The following SGCZ variants were observed in gnomAD, a reference collection of about 807,000 sequenced individuals.
SGCZ encodes zeta-sarcoglycan.
A neutral mutation model predicts 41.3 loss-of-function variants in SGCZ; 40 were observed. The observed-to-expected ratio is 0.97, with a 90% CI of 0.75 to 1.26. The LOEUF (loss-of-function observed/expected upper bound fraction) is 1.26. Ranked by LOEUF, SGCZ falls within the 50% of genes most tolerant of loss-of-function variation. The pLI, the probability that SGCZ is intolerant of heterozygous loss-of-function variation, is 0.00. For synonymous variants in SGCZ, 206 were observed against 137.5 expected, an observed-to-expected ratio of 1.50 and a Z score of -3.49; for missense variants, 552 against 369.8, an observed-to-expected ratio of 1.49 and a Z score of -4.04.
intron 2 of SGCZ, among the ~76,000 whole-genome samples, chr8:14,532,825 C>T (rs1177949519): frequency 6.6e-6 from 1 of 151,414 alleles, no homozygotes; most frequent in Non-Finnish European, 1.5e-5. Context: ...CGACTCACTA[C>T]TAATAATTTG....
intron 1 of SGCZ, among the ~76,000 whole-genome samples, chr8:14,780,386 AAAAAG>A (rs1335455726): frequency 5.3e-5 from 8 of 151,556 alleles, no homozygotes; most frequent in African/African-American, 1.2e-4. Context: ...AAAAAAAAAA[AAAAAG>A]AAAAGAAAAG....
chr8:14,337,822 T>A (rs1802555895), intron 2 of SGCZ, among the ~76,000 whole-genome samples: 1 of 152,026 alleles, frequency 6.6e-6, no homozygotes, highest in African/African-American at 2.4e-5. Context: ...AAGATGGTTA[T>A]AAAACAGGGC....
chr8:15,004,871 G>T (rs1802545953), intron 1 of SGCZ, among the ~76,000 whole-genome samples: 1 of 50,044 alleles, frequency 2.0e-5, no homozygotes, highest in Non-Finnish European at 4.5e-5. Flanking sequence ...TGAACTGACG[G>T]GTTCTTTGTG....
chr8:15,105,247 C>T (rs1474892800), intron 1 of SGCZ, among the ~76,000 whole-genome samples: 1 of 152,126 alleles, frequency 6.6e-6, no homozygotes, highest in Non-Finnish European at 1.5e-5. Flanking sequence ...AAATACGTTG[C>T]CAGTTTCACT....
chr8:14,755,873 A>AC (rs1452090573), intron 1 of SGCZ, among the ~76,000 whole-genome samples: 17 of 152,136 alleles, frequency 1.1e-4, no homozygotes, highest in Non-Finnish European at 2.1e-4. Flanking sequence ...CTAAAAAAAA[A>AC]GTAAAAATAA....
intron 1 of SGCZ, among the ~76,000 whole-genome samples, chr8:14,676,630 G>A (rs988195475): frequency 2.6e-5 from 4 of 152,040 alleles, no homozygotes; most frequent in East Asian, 1.9e-4. Flanking sequence ...TATAAACCAC[G>A]ATGTGTGGCA....
chr8:14,750,312 A>G lies in SGCZ; in HGVS notation c.40-195386T>C, dbSNP rs547390918. On this transcript the variant is annotated intron_variant, in intron 1 of 7. Coordinates refer to ENST00000382080, the MANE Select transcript of SGCZ (RefSeq NM_139167.4). ...TGGGATGGCATCTAAAGGTTTTATG[A>G]CATTAAAGATTCACAGAAACATTTT... Among the ~76,000 whole-genome samples the G allele has an allele frequency of 2.6e-5, 4 of 152,290 alleles. No individual in the cohort carries two copies. The East Asian group carries it at 7.7e-4, about 29-fold the overall frequency.
intron 1 of SGCZ, among the ~76,000 whole-genome samples, chr8:14,943,139 C>T (rs1295700464): frequency 6.6e-6 from 1 of 151,350 alleles, no homozygotes; most frequent in Non-Finnish European, 1.5e-5. Context: ...AAAATACTTG[C>T]CCTGTTCCCT....
At chr8:14,550,124 A>G (rs749507404) in intron 2 of SGCZ, among the ~76,000 whole-genome samples, 2 of 152,066 alleles carry the variant, frequency 1.3e-5, no homozygotes, top group African/African-American at 2.4e-5. Flanking sequence ...TGGTTGTGAT[A>G]GCAAATTAAA....
At chr8:14,259,878 C>A (rs937819800) in intron 3 of SGCZ, among the ~76,000 whole-genome samples, 1 of 151,834 alleles carries the variant, frequency 6.6e-6, no homozygotes, top group Admixed American at 6.6e-5. Flanking sequence ...GGGGATGGCA[C>A]TGAATCTGTA....
At chr8:14,417,795 C>T (rs1799535284) in intron 2 of SGCZ, among the ~76,000 whole-genome samples, 2 of 98,914 alleles carry the variant, frequency 2.0e-5, no homozygotes, top group Admixed American at 2.0e-4. Context: ...GTAATCATTT[C>T]ACAATGTGTA....
intron 1 of SGCZ, among the ~76,000 whole-genome samples, chr8:14,929,595 C>T (rs899818310): frequency 2.6e-5 from 4 of 151,776 alleles, no homozygotes; most frequent in Non-Finnish European, 5.9e-5. Context: ...TATTCTGAGC[C>T]TCCCAAAGAA....
intron 2 of SGCZ, among the ~76,000 whole-genome samples, chr8:14,527,685 C>G (rs933082947): frequency 6.6e-6 from 1 of 152,038 alleles, no homozygotes; most frequent in African/African-American, 2.4e-5. Context: ...CCAAAAAATT[C>G]AGTTCCTCCA....
chr8:14,823,056 A>T (rs113622669), intron 1 of SGCZ, among the ~76,000 whole-genome samples: 14 of 52,582 alleles, frequency 2.7e-4, no homozygotes, highest in African/African-American at 1.4e-3. Context: ...CAATCCTCAT[A>T]AAAAAAAAAA....
At chr8:15,142,377 T>C (rs1308122101) in intron 1 of SGCZ, among the ~76,000 whole-genome samples, 1 of 152,180 alleles carries the variant, frequency 6.6e-6, no homozygotes, top group Non-Finnish European at 1.5e-5. Context: ...GATGTGGATA[T>C]ACTGTAATAT....
chr8:14,226,386 T>C (rs950340232), intron 4 of SGCZ, among the ~76,000 whole-genome samples: 2 of 152,070 alleles, frequency 1.3e-5, no homozygotes, highest in African/African-American at 2.4e-5. Context: ...TATCGCTTTG[T>C]ACCTAAACCC....
chr8:14,434,697 A>C (rs1423617737), intron 2 of SGCZ, among the ~76,000 whole-genome samples: 1 of 152,034 alleles, frequency 6.6e-6, no homozygotes, highest in Non-Finnish European at 1.5e-5. Flanking sequence ...TTGGCTAGGT[A>C]TAGTTCCAAA....
chr8:14,907,707 C>T (rs953267524), intron 1 of SGCZ, among the ~76,000 whole-genome samples: 2 of 151,998 alleles, frequency 1.3e-5, no homozygotes, highest in Non-Finnish European at 2.9e-5. Flanking sequence ...AAATTGAGTG[C>T]GTCCATTAGG....
chr8:15,183,458 A>T (rs1800236542), intron 1 of SGCZ, among the ~76,000 whole-genome samples: 1 of 152,230 alleles, frequency 6.6e-6, no homozygotes, highest in Non-Finnish European at 1.5e-5. Context: ...ATCATTAACC[A>T]AAACTTCACT....
Sources: allele counts gnomAD v4.1 joint callset (sites outside exome capture counted in the v4.1 genomes callset), GRCh38; gene constraint gnomAD v4.1.1; transcripts MANE v1.5; gene names NCBI Gene and HGNC (gene_info 2026-07-23, HGNC 2026-07-21).